LCORL: variants seen among roughly 807,000 people sequenced by gnomAD.
LCORL encodes ligand dependent nuclear receptor corepressor like, also known as ligand-dependent nuclear receptor corepressor-like protein.
LCORL carries 41 observed loss-of-function variants against 141.8 expected under a neutral mutation model. The ratio of observed to expected loss-of-function variants is 0.29; its 90% CI spans 0.23 to 0.38. The LOEUF is 0.38. Ranked by LOEUF, LCORL falls within the 10% of genes least tolerant of loss-of-function variation. The pLI is 1.00. For synonymous variants in LCORL, 618 were observed against 694.1 expected (o/e 0.89, Z 1.72); for missense variants, 1,759 against 2,035.0 (o/e 0.86, Z 2.61).
chr4:17,886,160 C>T (rs1728241084), exon 6 of LCORL: 9 of 1,560,018 alleles, frequency 5.8e-6, no homozygotes, highest in South Asian at 3.5e-5. Flanking sequence ...ACACTCCATC[C>T]CCTATAATTT....
chr4:17,847,069 C>T (rs910504899), intron 7 of LCORL, among the ~76,000 whole-genome samples: 1 of 152,160 alleles, frequency 6.6e-6, no homozygotes, highest in Non-Finnish European at 1.5e-5. Flanking sequence ...ATCACAGACA[C>T]GTGACAGTCA....
chr4:17,912,413 C>T (rs1732712154), intron 4 of LCORL: 1 of 619,210 alleles, frequency 1.6e-6, no homozygotes, highest in South Asian at 1.4e-5. Flanking sequence ...GTAGATGCCA[C>T]TAAATCTCAG....
intron 1 of LCORL, among the ~76,000 whole-genome samples, chr4:17,998,666 C>T (rs1357530449): frequency 6.6e-6 from 1 of 151,644 alleles, no homozygotes; most frequent in African/African-American, 2.4e-5. Flanking sequence ...ATTAAAATAA[C>T]AATAAAAACT....
chr4:17,973,504 GT>G (rs1716369087), intron 1 of LCORL, among the ~76,000 whole-genome samples: 1 of 151,748 alleles, frequency 6.6e-6, no homozygotes, highest in Non-Finnish European at 1.5e-5. Context: ...GGATATACTA[GT>G]TTTAAGATTT....
chr4:17,853,700 AT>A (rs1417500944), intron 7 of LCORL, among the ~76,000 whole-genome samples: 1 of 152,130 alleles, frequency 6.6e-6, no homozygotes, highest in Non-Finnish European at 1.5e-5. Flanking sequence ...TCTTCTAAAT[AT>A]TACTAGAGTA....
intron 1 of LCORL, among the ~76,000 whole-genome samples, chr4:17,988,048 G>A (rs1485003310): frequency 6.6e-6 from 1 of 152,132 alleles, no homozygotes; most frequent in Non-Finnish European, 1.5e-5. Flanking sequence ...CTGATTTATA[G>A]GGGCGGGTCT....
intron 1 of LCORL, among the ~76,000 whole-genome samples, chr4:18,016,695 T>C (rs1343721633): frequency 1.3e-5 from 2 of 152,174 alleles, no homozygotes; most frequent in Admixed American, 6.5e-5. Flanking sequence ...AAAATGATAA[T>C]ATACTTAACA....
At chr4:17,931,026 T>C (rs376968027) in intron 4 of LCORL, among the ~76,000 whole-genome samples, 218 of 152,296 alleles carry the variant, frequency 1.4e-3, no homozygotes, top group African/African-American at 5.0e-3. Flanking sequence ...TCTGTTTAAC[T>C]TTTCTATTTC....
chr4:17,939,802 A>T (rs1268467329), intron 4 of LCORL, among the ~76,000 whole-genome samples: 6 of 151,748 alleles, frequency 4.0e-5, no homozygotes, highest in Non-Finnish European at 8.8e-5. Context: ...TCATCTAAAC[A>T]GAGGTGAAGT....
At chr4:17,844,973 C>T (rs1722776415) in exon 8 of LCORL, 1 of 151,958 alleles carries the variant, frequency 6.6e-6, no homozygotes, top group African/African-American at 2.4e-5. Flanking sequence ...AAAAGTCATC[C>T]CTTTAACTTT....
At chr4:17,857,151 G>A (rs1724450547) in intron 7 of LCORL, among the ~76,000 whole-genome samples, 1 of 152,068 alleles carries the variant, frequency 6.6e-6, no homozygotes, top group African/African-American at 2.4e-5. Flanking sequence ...TGCATGATAC[G>A]GAGAGAACCC....
chr4:17,903,523 T>G (rs928887353), intron 5 of LCORL, among the ~76,000 whole-genome samples: 5 of 152,104 alleles, frequency 3.3e-5, no homozygotes. Context: ...GACACACTAA[T>G]GTTATTTATA....
intron 1 of LCORL, among the ~76,000 whole-genome samples, chr4:18,005,469 T>C (rs1722646399): frequency 6.6e-6 from 1 of 152,202 alleles, no homozygotes; most frequent in Non-Finnish European, 1.5e-5. Flanking sequence ...ACAGCACCAC[T>C]AGGCAGTGTC....
chr4:17,881,001 A>C (rs1455425685), intron 6 of LCORL: 1 of 983,296 alleles, frequency 1.0e-6, no homozygotes, highest in Non-Finnish European at 1.2e-6. Flanking sequence ...TAAAAAACAA[A>C]TACAAGTATT....
intron 1 of LCORL, among the ~76,000 whole-genome samples, chr4:18,014,298 CT>C (rs1377877624): frequency 1.3e-5 from 2 of 151,870 alleles, no homozygotes; most frequent in African/African-American, 2.4e-5. Flanking sequence ...TGGCTGGCAG[CT>C]TTTATTTCAT....
At chr4:17,972,527 T>C (rs1716171545) in intron 2 of LCORL, among the ~76,000 whole-genome samples, 1 of 151,708 alleles carries the variant, frequency 6.6e-6, no homozygotes, top group African/African-American at 2.4e-5. Context: ...ATTTATTTAT[T>C]TAAATCTTAT....
chr4:17,881,798 G>A (rs1727602097), intron 6 of LCORL: 4 of 981,636 alleles, frequency 4.1e-6, no homozygotes, highest in South Asian at 9.4e-5. Flanking sequence ...TGTATAAAGA[G>A]GTCAATAAAA....
intron 4 of LCORL, among the ~76,000 whole-genome samples, chr4:17,917,277 C>A (rs1477075436): frequency 6.6e-6 from 1 of 152,146 alleles, no homozygotes; most frequent in Non-Finnish European, 1.5e-5. Flanking sequence ...TTGGCTCACT[C>A]TGCCTCCTGG....
chr4:17,920,715 T>C (rs1390485557), intron 4 of LCORL, among the ~76,000 whole-genome samples: 3 of 152,244 alleles, frequency 2.0e-5, no homozygotes, highest in Admixed American at 6.5e-5. Flanking sequence ...TTTGGTGTCA[T>C]TTCAACAATG....
Sources: gnomAD v4.1 joint callset for allele counts (sites outside exome capture counted in the v4.1 genomes callset) on GRCh38, gnomAD v4.1.1 for gene constraint, MANE v1.5 for transcripts, NCBI Gene and HGNC (gene_info 2026-07-23, HGNC 2026-07-21) for gene names.